Variants in MCC observed in about 807,000 individuals in gnomAD.
The protein encoded by MCC is colorectal mutant cancer protein.
In MCC, 90 loss-of-function variants were observed where a neutral mutation model predicts 116.2. The observed-to-expected ratio is 0.77, with a 90% CI of 0.65 to 0.92. The LOEUF is 0.92. Among genes scored for constraint, MCC ranks in the 40% least tolerant of loss-of-function variants. The pLI is 0.00. For missense variants in MCC, 1,516 were observed against 1,312.2 expected (o/e 1.16, Z -2.40); for synonymous variants, 578 against 510.5 (o/e 1.13, Z -1.78).
At chr5:113,272,194 G>A (rs145606153) in intron 3 of MCC, among the ~76,000 whole-genome samples, 50 of 152,260 alleles carry the variant, frequency 3.3e-4, no homozygotes, top group African/African-American at 1.2e-3. Flanking sequence ...TGGGAGTCCA[G>A]GCAAGTTATT....
At chr5:113,236,319 C>T (rs1383170315) in intron 3 of MCC, among the ~76,000 whole-genome samples, 1 of 152,156 alleles carries the variant, frequency 6.6e-6, no homozygotes, top group African/African-American at 2.4e-5. Flanking sequence ...ATCTGGAATG[C>T]AAATTTCAAT....
chr5:113,253,238 C>T (rs1355300279), intron 3 of MCC, among the ~76,000 whole-genome samples: 2 of 152,144 alleles, frequency 1.3e-5, no homozygotes, highest in African/African-American at 4.8e-5. Context: ...TGAGATTAGA[C>T]GTACAGAAAC....
Position 113,224,419 on chromosome 5 carries a change from G to A in MCC, c.628-72997C>T, listed in dbSNP as rs558892588. Among the ~76,000 whole-genome samples the A allele has an allele frequency of 2.0e-5, 3 of 152,254 alleles. No homozygotes were observed. In the South Asian group the frequency reaches 6.2e-4, roughly 32 times the overall value. On this transcript the variant is annotated intron_variant, in intron 3 of 18. Coordinates refer to ENST00000408903, the MANE Select transcript of MCC (RefSeq NM_001085377.2). ...AGTATTGTTATATAGTTTTTATAGT[G>A]AATGCATGCCAACTATTTTTCTTTA...
chr5:113,325,188 A>G (rs1295742052), intron 3 of MCC, among the ~76,000 whole-genome samples: 1 of 152,110 alleles, frequency 6.6e-6, no homozygotes, highest in African/African-American at 2.4e-5. Flanking sequence ...AGGGGTGGGA[A>G]GGAAAGGTGT....
intron 17 of MCC, among the ~76,000 whole-genome samples, chr5:113,041,718 G>GGTGCA (rs1180829696): frequency 6.6e-6 from 1 of 152,218 alleles, no homozygotes; most frequent in Non-Finnish European, 1.5e-5. Flanking sequence ...GGGATGGCCG[G>GGTGCA]GTGCAGTGGC....
At position 113,122,732 on chromosome 5, in the gene MCC, A is replaced by C. The variant is rs774255509; in HGVS notation, c.979T>G (p.Ser327Ala). Residue 327 changes from serine to alanine, a missense_variant, in exon 6 of 19, where the codon TCT (serine) becomes GCT (alanine). Coordinates refer to ENST00000408903, the MANE Select transcript of MCC (RefSeq NM_001085377.2). ...DSRSMDQDQT[S>A]VSIPENQSTM... Reference sequence around the variant, plus strand: ...GACTGGTTTTCGGGGATAGAGACAGAGGTCTGGTCTTGGTCCATGCTTCGA... The same window carrying C: ...GACTGGTTTTCGGGGATAGAGACAGCGGTCTGGTCTTGGTCCATGCTTCGA... 16 of 1,614,188 alleles carry C rather than the reference A, an allele frequency of 9.9e-6. No homozygotes were observed. The highest frequency in any genetic ancestry group is 1.4e-5 in the Non-Finnish European group (16 of 1,180,018).
At chr5:113,272,053 C>T (rs1265653565) in intron 3 of MCC, among the ~76,000 whole-genome samples, 1 of 152,184 alleles carries the variant, frequency 6.6e-6, no homozygotes, top group Non-Finnish European at 1.5e-5. Context: ...TTACTTTAAA[C>T]TCAATTCTCT....
At chr5:113,039,394 T>G (rs1036383419) in intron 17 of MCC, among the ~76,000 whole-genome samples, 1 of 152,132 alleles carries the variant, frequency 6.6e-6, no homozygotes, top group Non-Finnish European at 1.5e-5. Context: ...GGCTGACATA[T>G]GCCATTGCTT....
intron 8 of MCC, among the ~76,000 whole-genome samples, chr5:113,093,565 TGG>T (rs1186642032): frequency 6.6e-6 from 1 of 151,880 alleles, no homozygotes; most frequent in African/African-American, 2.4e-5. Flanking sequence ...AGTGAGATGT[TGG>T]GGGGATTTGG....
chr5:113,130,322 A>C (rs1374531040), intron 5 of MCC, among the ~76,000 whole-genome samples: 2 of 152,080 alleles, frequency 1.3e-5, no homozygotes, highest in African/African-American at 4.8e-5. Flanking sequence ...AACATCACAC[A>C]CTGGGGCCTG....
intron 17 of MCC, among the ~76,000 whole-genome samples, chr5:113,034,298 A>G (rs7447818): frequency 0.16 from 24,862 of 152,230 alleles, 2,059 homozygotes; most frequent in Middle Eastern, 0.22. Flanking sequence ...TAAAGGTAAT[A>G]TGAAAACCAA....
At chr5:113,230,980 C>G (rs796736611) in intron 3 of MCC, among the ~76,000 whole-genome samples, 30 of 152,206 alleles carry the variant, frequency 2.0e-4, no homozygotes, top group African/African-American at 7.2e-4. Flanking sequence ...AAACACTCCC[C>G]CAGCTACAGG....
At chr5:113,086,012 A>G (rs1455097142) in intron 8 of MCC, among the ~76,000 whole-genome samples, 5 of 152,232 alleles carry the variant, frequency 3.3e-5, no homozygotes, top group Non-Finnish European at 7.3e-5. Context: ...CCTTTAAGGA[A>G]TGTTTATTCT....
At chr5:113,075,807 G>A (rs1462767405) in intron 11 of MCC, among the ~76,000 whole-genome samples, 1 of 152,190 alleles carries the variant, frequency 6.6e-6, no homozygotes. Flanking sequence ...TCTTGCTGCT[G>A]CTCACTCTTT....
chr5:113,171,882 A>C (rs1372447940), intron 3 of MCC, among the ~76,000 whole-genome samples: 1 of 152,150 alleles, frequency 6.6e-6, no homozygotes, highest in Non-Finnish European at 1.5e-5. Context: ...GAGCCCCTAC[A>C]TAAGGAAGGC....
chr5:113,053,577 G>T, intron 15 of MCC, 148 bp downstream of exon 15: 1 of 609,348 alleles, frequency 1.6e-6, no homozygotes, highest in Non-Finnish European at 2.9e-6. Flanking sequence ...CCCAGACATA[G>T]TGAAACCAGC....
At chr5:113,096,846 C>G (rs1756056248) in intron 8 of MCC, among the ~76,000 whole-genome samples, 1 of 152,146 alleles carries the variant, frequency 6.6e-6, no homozygotes, top group Non-Finnish European at 1.5e-5. Context: ...TAGCCTCATA[C>G]TGACTAATAT....
At chr5:113,074,066 T>G (rs113744554) in intron 11 of MCC, among the ~76,000 whole-genome samples, 2 of 152,218 alleles carry the variant, frequency 1.3e-5, no homozygotes, top group Non-Finnish European at 2.9e-5. Context: ...GCTCTGAGAA[T>G]GGATAGACTG....
At chr5:113,070,277 C>A (rs1012721400) in intron 12 of MCC, among the ~76,000 whole-genome samples, 4 of 152,072 alleles carry the variant, frequency 2.6e-5, no homozygotes, top group East Asian at 1.9e-4. Flanking sequence ...GAGGCCTTGG[C>A]AAATACACTT....
Sources: gnomAD v4.1 joint callset for allele counts (sites outside exome capture counted in the v4.1 genomes callset) on GRCh38, gnomAD v4.1.1 for gene constraint, MANE v1.5 for transcripts, NCBI Gene and HGNC (gene_info 2026-07-23, HGNC 2026-07-21) for gene names.